The following PATL1 variants were observed in gnomAD, a reference collection of about 807,000 sequenced individuals.
PATL1 encodes protein PAT1 homolog 1.
Under a neutral mutation model 100.6 loss-of-function variants are expected in PATL1, and 32 were observed. The observed-to-expected ratio is 0.32, with a 90% CI of 0.24 to 0.43. PATL1 has a LOEUF of 0.43. Ranked by LOEUF, PATL1 falls within the 20% of genes least tolerant of loss-of-function variation. The probability of loss-of-function intolerance (pLI) is 1.00; values close to 1 mark genes in which losing one functional copy is unlikely to be tolerated. For missense variants in PATL1, 747 were observed against 949.9 expected (o/e 0.79, Z 2.81); for synonymous variants, 332 against 330.0 (o/e 1.01, Z -0.07).
At position 59,644,017 on chromosome 11, in the gene PATL1, T is replaced by C. The variant is rs190588377; in HGVS notation, c.1894-982A>G. On this transcript the variant is annotated intron_variant, in intron 15 of 18. Coordinates refer to ENST00000300146, the MANE Select transcript of PATL1 (RefSeq NM_152716.3). ...GACAATCAATGCACATGGTATAAAG[T>C]GATGGCTGGTTTTACTTTAAATGGC... Among the ~76,000 whole-genome samples the C allele has an allele frequency of 9.8e-4, 150 of 152,306 alleles. 2 individuals carry two copies. The highest frequency in any genetic ancestry group is 3.0e-3 in the African/African-American group (123 of 41,574).
chr11:59,647,686 G>C, intron 15 of PATL1, 68 bp downstream of exon 15: 5 of 1,504,566 alleles, frequency 3.3e-6, no homozygotes, highest in Non-Finnish European at 4.6e-6. Flanking sequence ...AGGAAAATAA[G>C]TTTGCATTCT....
chr11:59,668,747 G>A (rs373046196), intron 1 of PATL1, 134 bp downstream of exon 1: 1 of 484,154 alleles, frequency 2.1e-6, no homozygotes, highest in Non-Finnish European at 3.8e-6. Flanking sequence ...CAGACCAGTC[G>A]CGTCCAGCTA....
chr11:59,665,151 G>T (rs974011500), intron 2 of PATL1, among the ~76,000 whole-genome samples: 12 of 152,140 alleles, frequency 7.9e-5, no homozygotes, highest in South Asian at 2.1e-4. Flanking sequence ...GTTCTCTAAT[G>T]AATTTTACAA....
At position 59,648,246 on chromosome 11, in the gene PATL1, C is replaced by T. The variant is rs1194134911; in HGVS notation, c.1734-333G>A. Among the ~76,000 whole-genome samples, 7 of 141,182 alleles carry T rather than the reference C, an allele frequency of 5.0e-5. 1 individual carries two copies. Among genetic ancestry groups the T allele is most frequent in the Non-Finnish European group, 1.1e-4 (7 of 66,588 alleles). 92.6% of individuals were successfully genotyped at this position (141,182 alleles called of 152,430 possible). ...TGTTACCCAGGCTGGAGTGCAGTGG[C>T]GCTATCTTGGTTCATTGCAGCCTCC... On this transcript the variant is annotated intron_variant, in intron 14 of 18. Transcript: ENST00000300146.
Position 59,639,109 on chromosome 11 carries a change from C to G in PATL1, c.2230G>C (p.Val744Leu). ...TCAACATAGCGAGAAAAGAGGGACA[C>G]TAGGTTTGTAGGTATAGAGATTGGC... ...AKPISIPTNL[V>L]SLFSRYVDRQ... is the part of the protein sequence containing the mutation. The change falls in exon 18 of 19, where the codon GTG becomes CTG. Residue 744 changes from valine (V) to leucine (L), a missense_variant. By Grantham distance (32) the Val-to-Leu change is conservative. Coordinates refer to ENST00000300146, the MANE Select transcript of PATL1 (RefSeq NM_152716.3). 1 of 1,613,962 alleles carries G rather than the reference C, an allele frequency of 6.2e-7. No individual in the cohort carries two copies. Among genetic ancestry groups the G allele is most frequent in the South Asian group, 1.1e-5 (1 of 91,080 alleles).
In PATL1 at chr11:59,668,884, G is replaced by T; in HGVS notation, c.12C>A (p.Tyr4Ter). 1.6e-6 allele frequency: 2 copies of T among 1,214,822 alleles called. No homozygotes were observed. Among genetic ancestry groups the T allele is most frequent in the Non-Finnish European group, 2.2e-6 (2 of 911,344 alleles). The allele number at this position is 1,214,822 out of a possible 1,614,324, so 75.3% of individuals were successfully genotyped here. Residue 4 changes from tyrosine (Y) to a stop codon, truncating the protein, a stop_gained, in exon 1 of 19, where the codon TAC becomes TAA. Transcript: ENST00000300146. LOFTEE classifies it high-confidence loss of function. ...ACTTCCGGTCGCAACAGCTCACCTC[G>T]TAGCGGAACATTCTTGGGGAGGGGG... MFR[Y>*]ESLEDCPLDE... is the part of the protein sequence containing the mutation.
chr11:59,640,716 T>G (rs1490297950), intron 16 of PATL1, among the ~76,000 whole-genome samples: 1 of 144,342 alleles, frequency 6.9e-6, no homozygotes, highest in Non-Finnish European at 1.5e-5. Flanking sequence ...CAAGACTCTA[T>G]CTCAAAAGAA....
intron 15 of PATL1, 72 bp from the exon 16 acceptor site, chr11:59,643,107 TGGAA>T: frequency 6.7e-7 from 1 of 1,487,484 alleles, no homozygotes; most frequent in Non-Finnish European, 9.1e-7. Flanking sequence ...GGGGCATGGA[TGGAA>T]GGATGTTCAT....
At chr11:59,666,262 A>C (rs1214801943) in intron 2 of PATL1, among the ~76,000 whole-genome samples, 1 of 152,140 alleles carries the variant, frequency 6.6e-6, no homozygotes, top group Non-Finnish European at 1.5e-5. Context: ...GAATAAATAA[A>C]TAAATAAATA....
chr11:59,651,666 T>G (rs1346535133), intron 11 of PATL1, 25 bp from the exon 12 acceptor site: 4 of 1,317,972 alleles, frequency 3.0e-6, no homozygotes, highest in African/African-American at 1.5e-5. Context: ...AAAAAAAAAA[T>G]TCCAACAAAA....
intron 15 of PATL1, among the ~76,000 whole-genome samples, chr11:59,645,132 G>T (rs1388021472): frequency 3.7e-5 from 5 of 136,204 alleles, no homozygotes; most frequent in African/African-American, 8.2e-5. Context: ...CAAGGCAGAA[G>T]AATTTTTCTT....
intron 4 of PATL1, among the ~76,000 whole-genome samples, chr11:59,657,971 C>T (rs1288012607): frequency 1.3e-5 from 2 of 151,410 alleles, no homozygotes; most frequent in Non-Finnish European, 2.9e-5. Context: ...TGAGACTAGC[C>T]TGGGCAACAC....
intron 6 of PATL1, among the ~76,000 whole-genome samples, chr11:59,656,285 T>C (rs1565134501): frequency 1.3e-5 from 2 of 152,018 alleles, no homozygotes; most frequent in Admixed American, 1.3e-4. Context: ...ATGATCACAA[T>C]GAGTTTAGAT....
At chr11:59,662,043 CA>C (rs1269200164) in intron 2 of PATL1, among the ~76,000 whole-genome samples, 1 of 152,164 alleles carries the variant, frequency 6.6e-6, no homozygotes, top group East Asian at 1.9e-4. Flanking sequence ...ATTACATTAA[CA>C]GTTAAAATTT....
intron 1 of PATL1, among the ~76,000 whole-genome samples, chr11:59,668,323 G>A (rs1177989971): frequency 6.6e-6 from 1 of 152,154 alleles, no homozygotes; most frequent in Non-Finnish European, 1.5e-5. Context: ...TAGCCCAGAA[G>A]GAACTTCTGC....
chr11:59,657,218 C>G (rs1590702120), intron 5 of PATL1: 1 of 825,466 alleles, frequency 1.2e-6, no homozygotes, highest in Admixed American at 6.2e-5. Context: ...GTTCCCACTC[C>G]CCCCGGCTTT....
In PATL1 at chr11:59,637,227, G is replaced by A. The variant is rs1237999694; in HGVS notation, c.*1163C>T. 1 of 152,308 alleles carries A rather than the reference G, an allele frequency of 6.6e-6. No homozygotes were observed. Among genetic ancestry groups the A allele is most frequent in the African/African-American group, 2.4e-5 (1 of 41,428 alleles). 9.4% of individuals were successfully genotyped at this position (152,308 alleles called of 1,614,324 possible). On this transcript the variant is annotated 3_prime_UTR_variant, in exon 19 of 19. Coordinates refer to ENST00000300146, the MANE Select transcript of PATL1 (RefSeq NM_152716.3). Reference sequence around the variant, plus strand: ...TCCTTAGTCTGGTTGATTGCTGAATGGGAGAGGAGTAAGTGAGAAAGATCA... The same window carrying A: ...TCCTTAGTCTGGTTGATTGCTGAATAGGAGAGGAGTAAGTGAGAAAGATCA...
intron 2 of PATL1, among the ~76,000 whole-genome samples, chr11:59,665,028 C>T (rs1861668925): frequency 6.6e-6 from 1 of 152,226 alleles, no homozygotes; most frequent in South Asian, 2.1e-4. Flanking sequence ...CCTGGACAAT[C>T]TCATCTCCTA....
Position 59,642,800 on chromosome 11 carries a change from G to T in PATL1, c.2049+80C>A, listed in dbSNP as rs578045871. 15 of 1,421,838 alleles carry T rather than the reference G, an allele frequency of 1.1e-5. No individual in the cohort carries two copies. The South Asian group carries it at 2.2e-4, about 21-fold the overall frequency. The allele number at this position is 1,421,838 out of a possible 1,614,324, so 88.1% of individuals were successfully genotyped here. A position where few individuals can be genotyped will look rare whatever the true frequency, so the allele number is the denominator to read the frequency against. On this transcript the variant is annotated intron_variant, in intron 16 of 18. Coordinates refer to ENST00000300146, the MANE Select transcript of PATL1 (RefSeq NM_152716.3). ...GAAGCCTTTTTCCCAAGTTGCTAGA[G>T]ATACAGCAGCCATTATTTTAATCTA...
Sources: allele counts gnomAD v4.1 joint callset (sites outside exome capture counted in the v4.1 genomes callset), GRCh38; gene constraint gnomAD v4.1.1; transcripts MANE v1.5; gene names NCBI Gene and HGNC (gene_info 2026-07-23, HGNC 2026-07-21).